The following XKR9 variants were observed in gnomAD, a reference collection of about 807,000 sequenced individuals.
XKR9 encodes the protein XK related 9, also known as XK-related protein 9.
XKR9 carries 32 observed loss-of-function variants against 32.0 expected under a neutral mutation model. The observed-to-expected ratio is 1.00, with a 90% CI of 0.76 to 1.34. The LOEUF (loss-of-function observed/expected upper bound fraction) is 1.34. Among genes scored for constraint, XKR9 ranks in the 40% most tolerant of loss-of-function variants. XKR9 has a pLI of 0.00. For missense variants in XKR9, 546 were observed against 429.7 expected, an observed-to-expected ratio of 1.27 and a Z score of -2.39; for synonymous variants, 168 against 143.4, an observed-to-expected ratio of 1.17 and a Z score of -1.22.
intron 2 of XKR9, among the ~76,000 whole-genome samples, chr8:70,742,658 T>C (rs906722468): frequency 6.6e-6 from 1 of 152,168 alleles, no homozygotes; most frequent in Non-Finnish European, 1.5e-5. Flanking sequence ...TAGGATATTT[T>C]TGTTGGATAT....
At chr8:70,828,240 G>A in the XKR9 span, among the ~76,000 whole-genome samples, 2 of 152,292 alleles carry the variant, frequency 1.3e-5, no homozygotes, top group East Asian at 3.9e-4. Flanking sequence ...GTTTGTAGAG[G>A]AGTGCTCTAT....
chr8:70,909,873 T>TAGAGACAATAC, the XKR9 span, among the ~76,000 whole-genome samples: 1 of 151,906 alleles, frequency 6.6e-6, no homozygotes, highest in East Asian at 2.0e-4. Context: ...CATGCCTGGC[T>TAGAGACAATAC]AATTTTTGTA....
In XKR9 at chr8:70,683,300, A is replaced by G. The variant is rs556875807; in HGVS notation, c.272+1970A>G. Among the ~76,000 whole-genome samples, 9 of 152,258 alleles carry G rather than the reference A, an allele frequency of 5.9e-5. No individual in the cohort carries two copies. The East Asian group carries it at 1.2e-3, about 20-fold the overall frequency. ...TCAAAACAATATAATTCGATTTGCTATGCTCCCAACTAATATATTTATATT... is the reference window on the plus strand; with the variant it reads ...TCAAAACAATATAATTCGATTTGCTGTGCTCCCAACTAATATATTTATATT... On this transcript the variant is annotated intron_variant, in intron 3 of 4. Coordinates refer to ENST00000408926, the MANE Select transcript of XKR9 (RefSeq NM_001011720.2).
intron 3 of XKR9, among the ~76,000 whole-genome samples, chr8:70,700,077 A>G (rs1213862141): frequency 1.3e-5 from 2 of 152,034 alleles, no homozygotes; most frequent in African/African-American, 2.4e-5. Flanking sequence ...CTAGTTATAC[A>G]TTTGTCTAAA....
intron 3 of XKR9, among the ~76,000 whole-genome samples, chr8:70,702,078 AG>A (rs1805557381): frequency 6.6e-6 from 1 of 152,140 alleles, no homozygotes; most frequent in Non-Finnish European, 1.5e-5. Flanking sequence ...CCTTGTATGG[AG>A]TTAAATGGGC....
chr8:70,709,288 C>T (rs1020768822), intron 4 of XKR9, among the ~76,000 whole-genome samples: 2 of 151,768 alleles, frequency 1.3e-5, no homozygotes, highest in East Asian at 3.9e-4. Flanking sequence ...CAAAGGATGC[C>T]CGGGAATATA....
chr8:70,669,637 TGTA>T (rs9298159), intron 1 of XKR9, 99 bp downstream of exon 1: 38,211 of 126,700 alleles, frequency 0.3, 5,979 homozygotes, highest in South Asian at 0.43. Context: ...TGTGTGTGTG[TGTA>T]GTAGTAGTAG....
the XKR9 span, among the ~76,000 whole-genome samples, chr8:70,849,960 A>T: frequency 6.7e-6 from 1 of 148,984 alleles, no homozygotes; most frequent in African/African-American, 2.5e-5. Flanking sequence ...AAGTTCTGAA[A>T]TTGAAGCAGT....
At chr8:70,801,533 T>C in the XKR9 span, among the ~76,000 whole-genome samples, 2 of 152,200 alleles carry the variant, frequency 1.3e-5, no homozygotes, top group East Asian at 3.9e-4. Flanking sequence ...AGAGTGTGTT[T>C]GGCACGGTTT....
the XKR9 span, among the ~76,000 whole-genome samples, chr8:70,906,631 A>C: frequency 6.6e-6 from 1 of 152,354 alleles, no homozygotes; most frequent in Admixed American, 6.5e-5. Context: ...ACTTATCTAC[A>C]TAAATTATGT....
chr8:70,996,881 T>A, the XKR9 span, among the ~76,000 whole-genome samples: 1 of 152,308 alleles, frequency 6.6e-6, no homozygotes, highest in East Asian at 1.9e-4. Flanking sequence ...TCCTGATCCT[T>A]GAAGACACAA....
the XKR9 span, among the ~76,000 whole-genome samples, chr8:70,889,549 C>T: frequency 6.6e-6 from 1 of 151,934 alleles, no homozygotes; most frequent in African/African-American, 2.4e-5. Flanking sequence ...TCAACAGTTA[C>T]TCCTCTCTTG....
the XKR9 span, among the ~76,000 whole-genome samples, chr8:71,046,642 T>C: frequency 6.6e-6 from 1 of 152,220 alleles, no homozygotes; most frequent in African/African-American, 2.4e-5. Flanking sequence ...CACATTTTTG[T>C]ACAATTAGTT....
At chr8:70,856,289 C>T in the XKR9 span, among the ~76,000 whole-genome samples, 1 of 152,108 alleles carries the variant, frequency 6.6e-6, no homozygotes, top group African/African-American at 2.4e-5. Context: ...GAAGATCTAC[C>T]AAGCAAATGG....
the XKR9 span, among the ~76,000 whole-genome samples, chr8:70,953,689 C>T: frequency 1.3e-5 from 2 of 152,308 alleles, no homozygotes; most frequent in South Asian, 2.1e-4. Flanking sequence ...AGTAGTCTTC[C>T]ATCCTGATGG....
At chr8:70,927,999 T>A in the XKR9 span, among the ~76,000 whole-genome samples, 1 of 152,120 alleles carries the variant, frequency 6.6e-6, no homozygotes, top group South Asian at 2.1e-4. Context: ...TTTATCTAAT[T>A]TCTATATTTT....
At chr8:71,012,996 G>A in the XKR9 span, among the ~76,000 whole-genome samples, 1 of 152,164 alleles carries the variant, frequency 6.6e-6, no homozygotes, top group African/African-American at 2.4e-5. Context: ...TCTAGTCTCT[G>A]CTTGTGTTTA....
the XKR9 span, among the ~76,000 whole-genome samples, chr8:70,909,933 C>A: frequency 2.6e-5 from 4 of 151,800 alleles, no homozygotes; most frequent in Non-Finnish European, 4.4e-5. Flanking sequence ...GTCTCAAACT[C>A]CTGACCTCAA....
chr8:70,949,783 C>A, the XKR9 span, among the ~76,000 whole-genome samples: 881 of 152,142 alleles, frequency 5.8e-3, 3 homozygotes, highest in Non-Finnish European at 9.5e-3. Context: ...TGGGAGGTAT[C>A]AGGTCAAGAG....
Sources: allele counts gnomAD v4.1 joint callset (sites outside exome capture counted in the v4.1 genomes callset), GRCh38; gene constraint gnomAD v4.1.1; transcripts MANE v1.5; gene names NCBI Gene and HGNC (gene_info 2026-07-23, HGNC 2026-07-21).